Variants in AOAH observed in about 807,000 individuals in gnomAD.
AOAH encodes the protein acyloxyacyl hydrolase.
In AOAH, 64 loss-of-function variants were observed where a neutral mutation model predicts 92.2. That is an observed-to-expected ratio of 0.69 (90% CI 0.57 to 0.86). The LOEUF is 0.86. AOAH is among the 40% of genes least tolerant of loss of function. AOAH has a pLI of 0.00. For missense variants in AOAH, 656 were observed against 694.6 expected (o/e 0.94, Z 0.62); for synonymous variants, 263 against 254.5 (o/e 1.03, Z -0.32).
chr7:36,544,405 G>A, intron 15 of AOAH, among the ~76,000 whole-genome samples: 1 of 152,124 alleles, frequency 6.6e-6, no homozygotes, highest in East Asian at 1.9e-4. Context: ...AATGGGCTGA[G>A]CTGAAGGTGT....
rs117846450 is a variant in AOAH at position 36,594,643 on chromosome 7, C to T, written c.847-213G>A. 5,864 of 616,012 alleles carry T rather than the reference C, an allele frequency of 9.5e-3. 106 individuals carry two copies. Among genetic ancestry groups the T allele is most frequent in the Non-Finnish European group, 9.4e-3 (3,216 of 341,316 alleles). The allele number at this position is 616,012 out of a possible 1,614,324, so 38.2% of individuals were successfully genotyped here. On this transcript the variant is annotated intron_variant, in intron 11 of 20. Coordinates refer to ENST00000617537, the MANE Select transcript of AOAH (RefSeq NM_001637.4). ...TCAGCACCACCCTTGACCTGGCTTC[C>T]GCTCAGCTCTTGTGAAACATGCAGA... is the stretch of plus-strand genomic sequence containing the variant.
chr7:36,562,011 T>C (rs1256279727), intron 13 of AOAH, among the ~76,000 whole-genome samples: 1 of 152,178 alleles, frequency 6.6e-6, no homozygotes, highest in Non-Finnish European at 1.5e-5. Flanking sequence ...TTTACCCAAA[T>C]GTCTATTTTT....
At chr7:36,663,782 G>T (rs7778057) in intron 3 of AOAH, among the ~76,000 whole-genome samples, 91,448 of 152,070 alleles carry the variant, frequency 0.6, 27,771 homozygotes, top group South Asian at 0.66. Flanking sequence ...AGTTTTTGTG[G>T]GGACATAAGT....
intron 2 of AOAH, among the ~76,000 whole-genome samples, chr7:36,677,201 C>G (rs778281213): frequency 9.9e-5 from 15 of 152,104 alleles, no homozygotes; most frequent in Non-Finnish European, 1.6e-4. Context: ...TGACCTATCA[C>G]AGTGCTAGAA....
At chr7:36,523,766 A>T (rs1276003465) in intron 19 of AOAH, among the ~76,000 whole-genome samples, 1 of 150,190 alleles carries the variant, frequency 6.7e-6, no homozygotes, top group Non-Finnish European at 1.5e-5. Context: ...GCTGGCTGCG[A>T]TGCTGGCCCT....
intron 5 of AOAH, among the ~76,000 whole-genome samples, chr7:36,634,876 C>T (rs73687580): frequency 0.03 from 4,545 of 152,254 alleles, 225 homozygotes; most frequent in African/African-American, 0.1. Flanking sequence ...TATAATTGCA[C>T]AGCTGTTTGC....
At chr7:36,581,344 G>A (rs1242241802) in intron 12 of AOAH, among the ~76,000 whole-genome samples, 2 of 152,032 alleles carry the variant, frequency 1.3e-5, no homozygotes, top group African/African-American at 2.4e-5. Flanking sequence ...TGTTCTCTTC[G>A]TCCTCTTGGA....
At chr7:36,618,080 T>C (rs369602418) in intron 10 of AOAH, among the ~76,000 whole-genome samples, 1 of 152,230 alleles carries the variant, frequency 6.6e-6, no homozygotes, top group Non-Finnish European at 1.5e-5. Context: ...ACAAATTGTT[T>C]TGCTTTTTTA....
intron 13 of AOAH, among the ~76,000 whole-genome samples, chr7:36,570,351 T>C (rs1045598375): frequency 1.2e-4 from 18 of 152,226 alleles, no homozygotes; most frequent in African/African-American, 4.1e-4. Flanking sequence ...TGCCCTTTGT[T>C]TTAAAGGCTG....
At chr7:36,570,301 A>G (rs559991214) in intron 13 of AOAH, among the ~76,000 whole-genome samples, 1 of 152,332 alleles carries the variant, frequency 6.6e-6, no homozygotes, top group African/African-American at 2.4e-5. Context: ...CACTTAGCAT[A>G]ATGTCCTCAA....
At chr7:36,626,410 G>A (rs574799838) in intron 6 of AOAH, among the ~76,000 whole-genome samples, 1 of 152,290 alleles carries the variant, frequency 6.6e-6, no homozygotes, top group South Asian at 2.1e-4. Context: ...TACTTTAAAG[G>A]CCCCAAGTGA....
At chr7:36,706,701 T>C (rs867741480) in intron 1 of AOAH, among the ~76,000 whole-genome samples, 2 of 152,232 alleles carry the variant, frequency 1.3e-5, no homozygotes, top group African/African-American at 4.8e-5. Context: ...TCAATGATCT[T>C]AGCTAGATTT....
intron 16 of AOAH, among the ~76,000 whole-genome samples, chr7:36,537,064 G>A (rs560317736): frequency 7.3e-5 from 11 of 150,946 alleles, no homozygotes; most frequent in Admixed American, 4.0e-4. Flanking sequence ...TGGGGATGCC[G>A]GATAAATCCC....
intron 6 of AOAH, among the ~76,000 whole-genome samples, chr7:36,628,968 C>CAAAT (rs1251488329): frequency 6.6e-6 from 1 of 152,208 alleles, no homozygotes; most frequent in Admixed American, 6.5e-5. Context: ...TGACCTTGCA[C>CAAAT]AAATGATTTT....
Position 36,621,772 on chromosome 7 carries a change from C to T in AOAH, c.591G>A (p.Arg197=), listed in dbSNP as rs1792297517. 2.5e-6 allele frequency: 4 copies of T among 1,614,138 alleles called. No homozygotes were observed. Among genetic ancestry groups the T allele is most frequent in the South Asian group, 1.1e-5 (1 of 91,080 alleles). The part of the protein sequence containing the change: ...SDKYSVFPTL[R]GYHWRGRDCN... ...AGTCTCTCCCCCGCCAGTGATAGCCCCGCAGTGTCTGAAATTGAAGAGCAC... is the reference window on the plus strand; with the variant it reads ...AGTCTCTCCCCCGCCAGTGATAGCCTCGCAGTGTCTGAAATTGAAGAGCAC... The change falls in exon 8 of 21, where the codon CGG becomes CGA. Residue 197 remains arginine, a synonymous_variant. Transcript: ENST00000617537.
At chr7:36,524,351 A>G (rs1784272939) in intron 19 of AOAH, among the ~76,000 whole-genome samples, 1 of 152,070 alleles carries the variant, frequency 6.6e-6, no homozygotes, top group African/African-American at 2.4e-5. Flanking sequence ...ATTCATGCCC[A>G]TGAATTCACA....
chr7:36,639,286 C>T (rs896733726), intron 4 of AOAH, among the ~76,000 whole-genome samples: 3 of 152,210 alleles, frequency 2.0e-5, no homozygotes, highest in African/African-American at 7.2e-5. Context: ...TTCATGCAAA[C>T]TATTCTTATG....
intron 16 of AOAH, among the ~76,000 whole-genome samples, chr7:36,534,606 A>G (rs1029674601): frequency 6.6e-6 from 1 of 152,108 alleles, no homozygotes; most frequent in Non-Finnish European, 1.5e-5. Context: ...TTTATTGGCA[A>G]TATCAGTTGG....
At chr7:36,522,493 G>A (rs1784156904) in intron 19 of AOAH, among the ~76,000 whole-genome samples, 1 of 152,174 alleles carries the variant, frequency 6.6e-6, no homozygotes, top group Non-Finnish European at 1.5e-5. Flanking sequence ...CCCCTTTCAT[G>A]GGTTGCCATT....
Sources: allele counts gnomAD v4.1 joint callset (sites outside exome capture counted in the v4.1 genomes callset), GRCh38; gene constraint gnomAD v4.1.1; transcripts MANE v1.5; gene names NCBI Gene and HGNC (gene_info 2026-07-23, HGNC 2026-07-21).